MICALL2: variants seen among roughly 807,000 people sequenced by gnomAD.
MICALL2 encodes MICAL-like protein 2.
A neutral mutation model predicts 91.1 loss-of-function variants in MICALL2; 111 were observed. The observed-to-expected ratio is 1.22, with a 90% CI of 1.04 to 1.43. The LOEUF (loss-of-function observed/expected upper bound fraction) is 1.43, where lower values mean the gene tolerates loss of function less well. Ranked by LOEUF, MICALL2 falls within the 40% of genes most tolerant of loss-of-function variation. The pLI is 0.00. For synonymous variants in MICALL2, 694 were observed against 525.3 expected (o/e 1.32, Z -4.39); for missense variants, 1,556 against 1,236.0 (o/e 1.26, Z -3.88).
chr7:1,438,292 G>A lies in MICALL2; in HGVS notation c.2184C>T (p.Val728=). 1.3e-6 allele frequency: 2 copies of A among 1,599,012 alleles called. No individual in the cohort carries two copies. Among genetic ancestry groups the A allele is most frequent in the African/African-American group, 1.3e-5 (1 of 74,816 alleles). The change falls in exon 11 of 17, where the codon GTC becomes GTT. Residue 728 remains valine, a synonymous_variant. Transcript: ENST00000297508. ...ALPGETVTSP[V]RLHPDYLSPE... Reference sequence around the variant, plus strand: ...CCGGCTCCCCACCACTACTCACCCTGACTGGGGAGGTCACCGTCTCGCCAG... The same window carrying A: ...CCGGCTCCCCACCACTACTCACCCTAACTGGGGAGGTCACCGTCTCGCCAG...
intron 1 of MICALL2, among the ~76,000 whole-genome samples, chr7:1,453,251 T>C (rs1232295163): frequency 6.6e-6 from 1 of 151,946 alleles, no homozygotes; most frequent in African/African-American, 2.4e-5. Context: ...TTGCCTCCTT[T>C]GGAGATAAGA....
chr7:1,447,652 G>C lies in MICALL2; in HGVS notation c.448C>G (p.Pro150Ala). Reference sequence around the variant, plus strand: ...TTTGTCTGGGCTGGAGATAGTGGAGGCTTCCGGGCTGGGGCGGGCGAGGGC... The same window carrying C: ...TTTGTCTGGGCTGGAGATAGTGGAGCCTTCCGGGCTGGGGCGGGCGAGGGC... ...KLPSPAPARK[P>A]PLSPAQTNPV... Residue 150 changes from proline (P) to alanine (A), a missense_variant, in exon 4 of 17, where the codon CCT becomes GCT. Physicochemically the swap from Pro to Ala is conservative, Grantham distance 27. Coordinates refer to ENST00000297508, the MANE Select transcript of MICALL2 (RefSeq NM_182924.4). 6.3e-7 allele frequency: 1 copy of C among 1,594,510 alleles called. No individual in the cohort carries two copies. The highest frequency in any genetic ancestry group is 8.5e-7 in the Non-Finnish European group (1 of 1,171,334).
intron 5 of MICALL2, among the ~76,000 whole-genome samples, chr7:1,446,181 G>C (rs1305774126): frequency 5.2e-5 from 4 of 76,906 alleles, no homozygotes; most frequent in Non-Finnish European, 7.9e-5. Context: ...AGTAGGGAGA[G>C]AAGAGTGAAG....
chr7:1,444,922 CG>C lies in MICALL2; in HGVS notation c.1147del (p.Arg383GlufsTer114), dbSNP rs1463172418. The stretch of plus-strand genomic sequence containing the variant: ...GAGTGTGGTTTGAGGAGCTGCCACT[CG>C]GGGGGCTCCCCCACCCTGGGGTGTG... Reference protein sequence around the residue: ...PATPQGGGAPRVAAPQTTLSS... With the variant: ...PATPQGGGAPXVAAPQTTLSS... On this transcript the variant is annotated frameshift_variant, in exon 6 of 17. Coordinates refer to ENST00000297508, the MANE Select transcript of MICALL2 (RefSeq NM_182924.4). LOFTEE classifies it high-confidence loss of function. 4 of 1,536,234 alleles carry C rather than the reference CG, an allele frequency of 2.6e-6. No individual in the cohort carries two copies. The highest frequency in any genetic ancestry group is 1.4e-5 in the African/African-American group (1 of 73,598).
chr7:1,436,994 T>A (rs893083489), intron 14 of MICALL2, 138 bp from the exon 15 acceptor site: 2 of 570,928 alleles, frequency 3.5e-6, no homozygotes, highest in South Asian at 2.5e-5. Flanking sequence ...CGGAGCAGAA[T>A]GAATGAGTGA....
At chr7:1,444,589 C>T (rs958971952) in intron 6 of MICALL2, 63 bp downstream of exon 6, 14 of 1,511,874 alleles carry the variant, frequency 9.3e-6, no homozygotes, top group South Asian at 1.2e-5. Context: ...CTCTGGCCTC[C>T]GGGGCCCCGC....
At position 1,434,467 on chromosome 7, in the gene MICALL2, C is replaced by T. The variant is rs753383209; in HGVS notation, c.*129G>A. 56 of 821,210 alleles carry T rather than the reference C, an allele frequency of 6.8e-5. No individual in the cohort carries two copies. The highest frequency in any genetic ancestry group is 4.9e-4 in the African/African-American group (29 of 59,762). The allele number at this position is 821,210 out of a possible 1,614,324, so 50.9% of individuals were successfully genotyped here. The stretch of plus-strand genomic sequence containing the variant: ...AGGAGGCCCTTCCCGAGTCCAAGTC[C>T]GAATGCCGGGTCCGGGCCGAGCCCA... On this transcript the variant is annotated 3_prime_UTR_variant, in exon 17 of 17. Transcript: ENST00000297508.
chr7:1,445,258 C>T lies in MICALL2; in HGVS notation c.812G>A (p.Cys271Tyr), dbSNP rs1244204856. Residue 271 changes from cysteine (C) to tyrosine (Y), a missense_variant, in exon 6 of 17, where the codon TGT becomes TAT. By Grantham distance (194) the Cys-to-Tyr change is radical. Coordinates refer to ENST00000297508, the MANE Select transcript of MICALL2 (RefSeq NM_182924.4). ...GAMGVDSRTSCSPQKAQEANK... is the reference protein window; with the variant it reads ...GAMGVDSRTSYSPQKAQEANK... ...TGCCTCCTGGGCCTTCTGTGGGGAACAGGAGGTCCTGGAATCCACACCCAT... is the reference window on the plus strand; with the variant it reads ...TGCCTCCTGGGCCTTCTGTGGGGAATAGGAGGTCCTGGAATCCACACCCAT... The T allele has an allele frequency of 3.1e-6, 5 of 1,612,326 alleles. No individual in the cohort carries two copies. In the East Asian group the frequency reaches 8.9e-5, roughly 29 times the overall value.
In MICALL2 at chr7:1,455,772, G is replaced by C. The variant is rs561833129; in HGVS notation, c.143+3412C>G. 2.3e-4 allele frequency among the ~76,000 whole-genome samples: 35 copies of C among 152,084 alleles called. No individual in the cohort carries two copies. In the East Asian group the frequency reaches 5.4e-3, roughly 23 times the overall value. ...AAGTGCTCTCTGCGTGCAGCAGGAA[G>C]GACTAAGGCCAGACAAAGGGAAGGA... is the stretch of plus-strand genomic sequence containing the variant. On this transcript the variant is annotated intron_variant, in intron 1 of 16. Transcript: ENST00000297508.
At position 1,438,345 on chromosome 7, in the gene MICALL2, A is replaced by T; in HGVS notation, c.2131T>A (p.Leu711Met). The change falls in exon 11 of 17, where the codon TTG becomes ATG. Residue 711 changes from leucine to methionine, a missense_variant. Transcript: ENST00000297508. ...AGAGCAGGGACATTGGCCGGGGACAAGGGTCTCCCTGGAGAAGGAGCAGGG... is the reference window on the plus strand; with the variant it reads ...AGAGCAGGGACATTGGCCGGGGACATGGGTCTCCCTGGAGAAGGAGCAGGG... ...PHLQGKPGRP[L>M]SPANVPALPG... 6.2e-7 allele frequency: 1 copy of T among 1,602,732 alleles called. No individual in the cohort carries two copies. The highest frequency in any genetic ancestry group is 8.5e-7 in the Non-Finnish European group (1 of 1,176,078).
chr7:1,439,335 C>T (rs1035224877), intron 9 of MICALL2: 7 of 309,044 alleles, frequency 2.3e-5, no homozygotes, highest in East Asian at 6.2e-5. Flanking sequence ...CGGGTGCACA[C>T]GTGGACACAC....
chr7:1,440,569 G>A (rs1471559805), intron 8 of MICALL2, 22 bp downstream of exon 8: 2 of 1,604,692 alleles, frequency 1.2e-6, no homozygotes, highest in East Asian at 2.2e-5. Context: ...CAGGCCCTGG[G>A]CCAGCCCCAC....
intron 15 of MICALL2, among the ~76,000 whole-genome samples, chr7:1,435,657 T>C (rs1779932789): frequency 6.6e-6 from 1 of 152,250 alleles, no homozygotes; most frequent in South Asian, 2.1e-4. Flanking sequence ...CAGAATGCCA[T>C]GTGCTGGACC....
At position 1,444,874 on chromosome 7, in the gene MICALL2, GCT is replaced by G. The variant is rs1780491455; in HGVS notation, c.1194_1195del (p.Ala399HisfsTer20). On this transcript the variant is annotated frameshift_variant, in exon 6 of 17. Transcript: ENST00000297508. LOFTEE classifies it high-confidence loss of function. The stretch of plus-strand genomic sequence containing the variant: ...GGTCCAGGCTGGGGGGTCCACCGTG[GCT>G]GCAGATGTGGAGCTTGAACTGAGTG... 6.3e-7 allele frequency: 1 copy of G among 1,595,130 alleles called. No homozygotes were observed. The highest frequency in any genetic ancestry group is 1.3e-5 in the African/African-American group (1 of 74,760).
In MICALL2 at chr7:1,436,725, C is replaced by G. The variant is rs749678561; in HGVS notation, c.2591+17G>C. ...ACCTGGCCTGGCTGGGAGGGGCCCC[C>G]GGCACCTGCCCCTCACCGGAGCCGG... On this transcript the variant is annotated intron_variant, in intron 15 of 16. Coordinates refer to ENST00000297508, the MANE Select transcript of MICALL2 (RefSeq NM_182924.4). The G allele has an allele frequency of 6.3e-7, 1 of 1,586,742 alleles. No individual in the cohort carries two copies. Among genetic ancestry groups the G allele is most frequent in the Admixed American group, 1.7e-5 (1 of 57,990 alleles).
intron 10 of MICALL2, 162 bp downstream of exon 10, chr7:1,438,678 A>G (rs200338039): frequency 6.9e-7 from 1 of 1,449,158 alleles, no homozygotes; most frequent in East Asian, 2.4e-5. Flanking sequence ...GTCTCTATTC[A>G]TGAGGGCGGG....
In MICALL2 at chr7:1,440,577, C is replaced by T; in HGVS notation, c.1805+14G>A. 1 of 1,605,130 alleles carries T rather than the reference C, an allele frequency of 6.2e-7. No homozygotes were observed. Among genetic ancestry groups the T allele is most frequent in the Non-Finnish European group, 8.5e-7 (1 of 1,173,974 alleles). On this transcript the variant is annotated intron_variant, in intron 8 of 16. Coordinates refer to ENST00000297508, the MANE Select transcript of MICALL2 (RefSeq NM_182924.4). ...GGTGTACCAGGCCCTGGGCCAGCCC[C>T]ACCCATCCCTAACCTCTCAGCTGGG...
chr7:1,448,787 G>A (rs560522471), intron 2 of MICALL2, 26 bp from the exon 3 acceptor site: 88 of 1,609,874 alleles, frequency 5.5e-5, no homozygotes, highest in Non-Finnish European at 7.1e-5. Flanking sequence ...GGGGGTCAGC[G>A]GGGCAGCTGG....
Position 1,448,765 on chromosome 7 carries a change from C to T in MICALL2, c.193-4G>A, listed in dbSNP as rs993550537. On this transcript the variant is annotated splice_region_variant and splice_polypyrimidine_tract_variant and intron_variant, in intron 2 of 16. Transcript: ENST00000297508. ...GCTCCTCGGCCACGCGGAAGGCCTG[C>T]GAAAGGTGGGAGGGGGTCAGCGGGG... The T allele has an allele frequency of 5.6e-6, 9 of 1,612,260 alleles. No homozygotes were observed. The highest frequency in any genetic ancestry group is 1.6e-4 in the Middle Eastern group (1 of 6,064).
Sources: allele counts gnomAD v4.1 joint callset (sites outside exome capture counted in the v4.1 genomes callset), GRCh38; gene constraint gnomAD v4.1.1; transcripts MANE v1.5; gene names NCBI Gene and HGNC (gene_info 2026-07-23, HGNC 2026-07-21).